CLGN: variants seen among roughly 807,000 people sequenced by gnomAD.
CLGN encodes the protein calmegin.
In CLGN, 62 loss-of-function variants were observed where a neutral mutation model predicts 79.1. That is an observed-to-expected ratio of 0.78 (90% confidence interval 0.64 to 0.97). The LOEUF (loss-of-function observed/expected upper bound fraction) is 0.97. CLGN is among the 50% of genes least tolerant of loss of function. CLGN has a pLI of 0.00. For synonymous variants in CLGN, 225 were observed against 224.7 expected (o/e 1.00, Z -0.01); for missense variants, 647 against 715.5 (o/e 0.90, Z 1.09).
At chr4:140,401,105 C>A (rs1728990996) in intron 6 of CLGN, among the ~76,000 whole-genome samples, 1 of 152,212 alleles carries the variant, frequency 6.6e-6, no homozygotes, top group East Asian at 1.9e-4. Flanking sequence ...TTGGGTGTCA[C>A]CCTGACTCAA....
chr4:140,397,482 T>G (rs1433770764), intron 8 of CLGN, among the ~76,000 whole-genome samples: 4 of 151,820 alleles, frequency 2.6e-5, no homozygotes. Flanking sequence ...AATATACAAA[T>G]CATTTATTTT....
At position 140,393,876 on chromosome 4, in the gene CLGN, A is replaced by G; in HGVS notation, c.1315T>C (p.Trp439Arg). ...TTCCATCTCCAACCATCTGCAGCCC[A>G]GTGATCTGCTACTTCCTTTTCCGAA... ...ICSEKEVADH[W>R]AADGWRWKIM... is the part of the protein sequence containing the mutation. The change falls in exon 11 of 15, where the codon TGG becomes CGG. Residue 439 changes from tryptophan (W) to arginine (R), a missense_variant. Physicochemically the swap from Trp to Arg is moderately radical, Grantham distance 101. Coordinates refer to ENST00000325617, the MANE Select transcript of CLGN (RefSeq NM_004362.3). 5 of 1,613,784 alleles carry G rather than the reference A, an allele frequency of 3.1e-6. No homozygotes were observed. The highest frequency in any genetic ancestry group is 4.2e-6 in the Non-Finnish European group (5 of 1,179,798).
Position 140,399,120 on chromosome 4 carries a change from C to T in CLGN, c.695-80G>A, listed in dbSNP as rs1578596006. 1.8e-5 allele frequency: 21 copies of T among 1,186,742 alleles called. No homozygotes were observed. The East Asian group carries it at 5.3e-4, about 30-fold the overall frequency. The allele number at this position is 1,186,742 out of a possible 1,614,324, so 73.5% of individuals were successfully genotyped here. A position where few individuals can be genotyped will look rare whatever the true frequency, so the allele number is the denominator to read the frequency against. ...ATAATCTTCTAAATAATGTAACTAC[C>T]CTTAACTCCATGGGTAAAGCTTTTT... is the stretch of plus-strand genomic sequence containing the variant. On this transcript the variant is annotated intron_variant, in intron 7 of 14. Transcript: ENST00000325617.
At chr4:140,423,056 T>C (rs1170847162) in intron 1 of CLGN, among the ~76,000 whole-genome samples, 1 of 152,240 alleles carries the variant, frequency 6.6e-6, no homozygotes, top group Non-Finnish European at 1.5e-5. Flanking sequence ...TCTTTCTTTT[T>C]CTTCCCTAAT....
At position 140,416,750 on chromosome 4, in the gene CLGN, C is replaced by G. The variant is rs547285327; in HGVS notation, c.-9-3663G>C. Among the ~76,000 whole-genome samples the G allele has an allele frequency of 7.2e-5, 11 of 152,280 alleles. No homozygotes were observed. In the South Asian group the frequency reaches 2.1e-3, roughly 29 times the overall value. ...AAGAGTCCAGGACCAGATGGATTCA[C>G]AGCTGAATTCTACGAGAGGTACAAG... On this transcript the variant is annotated intron_variant, in intron 1 of 14. Coordinates refer to ENST00000325617, the MANE Select transcript of CLGN (RefSeq NM_004362.3).
chr4:140,412,973 C>T lies in CLGN; in HGVS notation c.106G>A (p.Glu36Lys). 6.2e-7 allele frequency: 1 copy of T among 1,613,450 alleles called. No individual in the cohort carries two copies. The highest frequency in any genetic ancestry group is 8.5e-7 in the Non-Finnish European group (1 of 1,179,692). The part of the protein sequence containing the change: ...VETEDFEENS[E>K]EIDVNESELS... ...TCACTTTCATTAACATCAATTTCTTCTGAATTTTCTTCAAAGTCTTCCGTC... is the reference window on the plus strand; with the variant it reads ...TCACTTTCATTAACATCAATTTCTTTTGAATTTTCTTCAAAGTCTTCCGTC... The change falls in exon 2 of 15, where the codon GAA becomes AAA. Residue 36 changes from glutamate (E) to lysine (K), a missense_variant. Coordinates refer to ENST00000325617, the MANE Select transcript of CLGN (RefSeq NM_004362.3).
At chr4:140,391,681 G>A (rs1297718727) in intron 13 of CLGN, among the ~76,000 whole-genome samples, 2 of 151,828 alleles carry the variant, frequency 1.3e-5, no homozygotes, top group African/African-American at 4.8e-5. Flanking sequence ...AGCCACCAAA[G>A]GGTGACTTCA....
chr4:140,406,252 CT>C (rs139198063), intron 4 of CLGN, among the ~76,000 whole-genome samples, 169 bp from the exon 5 acceptor site: 23 of 151,470 alleles, frequency 1.5e-4, no homozygotes, highest in African/African-American at 3.4e-4. Context: ...GCTCATTTAT[CT>C]TTTTTTTTCT....
Position 140,388,471 on chromosome 4 carries a change from T to C in CLGN, c.*753A>G, listed in dbSNP as rs1560736509. 6.6e-6 allele frequency: 1 copy of C among 151,870 alleles called. No homozygotes were observed. The highest frequency in any genetic ancestry group is 1.5e-5 in the Non-Finnish European group (1 of 67,806). 9.4% of individuals were successfully genotyped at this position (151,870 alleles called of 1,614,324 possible). ...TAGGGTATTCAGGATGAAAAAATAT[T>C]TAAATTTTATTTTCAATAGCAATGT... On this transcript the variant is annotated 3_prime_UTR_variant, in exon 15 of 15. Coordinates refer to ENST00000325617, the MANE Select transcript of CLGN (RefSeq NM_004362.3).
rs749950455 is a variant in CLGN at position 140,398,906 on chromosome 4, C to T, written c.829G>A (p.Glu277Lys). 1.9e-6 allele frequency: 3 copies of T among 1,613,892 alleles called. No homozygotes were observed. The highest frequency in any genetic ancestry group is 2.5e-6 in the Non-Finnish European group (3 of 1,179,902). The change falls in exon 8 of 15, where the codon GAA (glutamate) becomes AAA (lysine). Residue 277 changes from glutamate to lysine, a missense_variant. Transcript: ENST00000325617. ...GGAATTTTTGCTCTTTCATCCCATT[C>T]CTCAGGTTTTTTATCATTGGGATCT... The part of the protein sequence containing the change: ...IEDPNDKKPE[E>K]WDERAKIPDP...
At chr4:140,392,412 G>T in intron 12 of CLGN, 34 bp from the exon 13 acceptor site, 1 of 1,561,142 alleles carries the variant, frequency 6.4e-7, no homozygotes, top group Non-Finnish European at 8.6e-7. Context: ...TTTTACTAAA[G>T]GCAGAGTGCT....
intron 12 of CLGN, 25 bp from the exon 13 acceptor site, chr4:140,392,403 T>C: frequency 6.4e-7 from 1 of 1,572,826 alleles, no homozygotes; most frequent in Non-Finnish European, 8.6e-7. Context: ...ATAAGTTATT[T>C]TTACTAAAGG....
chr4:140,401,733 C>T (rs1339029349), intron 6 of CLGN, among the ~76,000 whole-genome samples: 4 of 151,962 alleles, frequency 2.6e-5, no homozygotes, highest in Admixed American at 6.6e-5. Flanking sequence ...ATAAGTATCA[C>T]GTAGTTTTTG....
intron 8 of CLGN, among the ~76,000 whole-genome samples, chr4:140,398,647 C>A (rs1728939233): frequency 6.6e-6 from 1 of 151,504 alleles, no homozygotes. Context: ...TTAAAAAATG[C>A]AACATAATTA....
chr4:140,396,148 C>A lies in CLGN; in HGVS notation c.942G>T (p.Trp314Cys). 6.2e-7 allele frequency: 1 copy of A among 1,614,126 alleles called. No homozygotes were observed. Among genetic ancestry groups the A allele is most frequent in the Non-Finnish European group, 8.5e-7 (1 of 1,180,012 alleles). The change falls in exon 9 of 15, where the codon TGG becomes TGT. Residue 314 changes from tryptophan (W) to cysteine (C), a missense_variant. Trp to Cys is a radical substitution (Grantham distance 215). Transcript: ENST00000325617. ...EDSSVVKPAG[W>C]LDDEPKFIPD... is the part of the protein sequence containing the mutation. ...GGATAAATTTTGGTTCATCATCAAG[C>A]CAGCCAGCAGGTTTAACAACACTTG...
intron 8 of CLGN, among the ~76,000 whole-genome samples, chr4:140,397,678 G>T (rs914743190): frequency 5.9e-5 from 9 of 152,208 alleles, no homozygotes; most frequent in African/African-American, 1.9e-4. Flanking sequence ...GGCTGAGGCG[G>T]GAGGATCACG....
chr4:140,403,158 C>T (rs1729030016), intron 5 of CLGN, among the ~76,000 whole-genome samples: 2 of 152,110 alleles, frequency 1.3e-5, no homozygotes, highest in African/African-American at 4.8e-5. Context: ...CAACAGTGGC[C>T]ACAAGCATGT....
chr4:140,393,285 C>A (rs568458404), intron 11 of CLGN, among the ~76,000 whole-genome samples: 22 of 152,114 alleles, frequency 1.4e-4, no homozygotes, highest in Non-Finnish European at 2.4e-4. Context: ...ACCCAAGGAA[C>A]CAAATGTAAG....
chr4:140,389,133 G>T lies in CLGN; in HGVS notation c.*91C>A. ...TAATGTTGCTAGATATTAGAAACAG[G>T]ATGTGCAGACTGATTAAAGTTCAGG... On this transcript the variant is annotated 3_prime_UTR_variant, in exon 15 of 15. Coordinates refer to ENST00000325617, the MANE Select transcript of CLGN (RefSeq NM_004362.3). The T allele has an allele frequency of 1.1e-6, 1 of 896,170 alleles. No individual in the cohort carries two copies. Among genetic ancestry groups the T allele is most frequent in the Non-Finnish European group, 1.8e-6 (1 of 544,010 alleles). The allele number at this position is 896,170 out of a possible 1,614,324, so 55.5% of individuals were successfully genotyped here.
Sources: allele counts gnomAD v4.1 joint callset (sites outside exome capture counted in the v4.1 genomes callset), GRCh38; gene constraint gnomAD v4.1.1; transcripts MANE v1.5; gene names NCBI Gene and HGNC (gene_info 2026-07-23, HGNC 2026-07-21).